PRKCA: variants seen among roughly 807,000 people sequenced by gnomAD.
PRKCA encodes the protein protein kinase C alpha type.
PRKCA carries 27 observed loss-of-function variants against 87.0 expected under a neutral mutation model. The ratio of observed to expected loss-of-function variants is 0.31; its 90% CI spans 0.23 to 0.43. The LOEUF is 0.43. Ranked by LOEUF, PRKCA falls within the 20% of genes least tolerant of loss-of-function variation. The pLI, the probability that PRKCA is intolerant of heterozygous loss-of-function variation, is 1.00. For synonymous variants in PRKCA, 329 were observed against 311.1 expected (o/e 1.06, Z -0.61); for missense variants, 518 against 852.3 (o/e 0.61, Z 4.88).
intron 3 of PRKCA, among the ~76,000 whole-genome samples, chr17:66,632,172 G>A (rs115231480): frequency 0.011 from 1,718 of 152,272 alleles, 28 homozygotes; most frequent in African/African-American, 0.039. Context: ...AGTGTATTCA[G>A]CTGGACTTCG....
intron 2 of PRKCA, among the ~76,000 whole-genome samples, chr17:66,446,742 A>G (rs1432811816): frequency 6.6e-6 from 1 of 152,172 alleles, no homozygotes; most frequent in African/African-American, 2.4e-5. Context: ...GGACCCCGGT[A>G]GCCTCTAGAA....
rs536624139 is a variant in PRKCA at position 66,643,948 on chromosome 17, C to T, written c.401-1435C>T. Reference sequence around the variant, plus strand: ...AGCTTCCCAAGATATACAGCAGAGACTGCAACACGGCCCAGTGCACTTTCA... The same window carrying T: ...AGCTTCCCAAGATATACAGCAGAGATTGCAACACGGCCCAGTGCACTTTCA... On this transcript the variant is annotated intron_variant, in intron 4 of 16. Transcript: ENST00000413366. 1.8e-3 allele frequency among the ~76,000 whole-genome samples: 269 copies of T among 152,346 alleles called. 2 individuals carry two copies. Among genetic ancestry groups the T allele is most frequent in the Middle Eastern group, 0.01 (3 of 294 alleles).
intron 2 of PRKCA, among the ~76,000 whole-genome samples, chr17:66,455,864 T>C (rs1178053839): frequency 2.0e-5 from 3 of 152,194 alleles, no homozygotes; most frequent in Non-Finnish European, 4.4e-5. Flanking sequence ...TTTCTCTCTG[T>C]ACTGGGCTGA....
At chr17:66,499,723 G>A (rs1916644375) in intron 3 of PRKCA, among the ~76,000 whole-genome samples, 2 of 152,182 alleles carry the variant, frequency 1.3e-5, no homozygotes, top group Admixed American at 1.3e-4. Flanking sequence ...TTCTGTAGAT[G>A]CTGAGTCTTA....
chr17:66,566,164 GA>G lies in PRKCA; in HGVS notation c.288+69883del, dbSNP rs1305622926. ...CACCCTTGGGCTAAGATGCACTCTT[GA>G]ACACATTTCCTCTATGGCCCCTTTC... On this transcript the variant is annotated intron_variant, in intron 3 of 16. Transcript: ENST00000413366. Among the ~76,000 whole-genome samples the G allele has an allele frequency of 5.9e-5, 9 of 152,156 alleles. No homozygotes were observed. The South Asian group carries it at 1.7e-3, about 28-fold the overall frequency.
intron 8 of PRKCA, among the ~76,000 whole-genome samples, chr17:66,691,489 A>G (rs1220627319): frequency 6.6e-6 from 1 of 152,030 alleles, no homozygotes; most frequent in African/African-American, 2.4e-5. Flanking sequence ...CTCCTTTTCA[A>G]TTTGTATTTC....
intron 5 of PRKCA, among the ~76,000 whole-genome samples, chr17:66,656,431 C>T (rs1361002299): frequency 6.6e-6 from 1 of 152,214 alleles, no homozygotes; most frequent in Non-Finnish European, 1.5e-5. Context: ...TTGATATTGA[C>T]TGAGCAGGTC....
At chr17:66,784,278 C>T (rs1335413333) in intron 14 of PRKCA, among the ~76,000 whole-genome samples, 1 of 152,066 alleles carries the variant, frequency 6.6e-6, no homozygotes, top group Non-Finnish European at 1.5e-5. Flanking sequence ...CAGAGTCTTG[C>T]TCTGTCTCCC....
intron 10 of PRKCA, 118 bp downstream of exon 10, chr17:66,735,780 G>A (rs756668475): frequency 3.3e-6 from 4 of 1,225,010 alleles, no homozygotes; most frequent in Non-Finnish European, 3.4e-6. Context: ...GTGTTGTGAT[G>A]TCAAGCAGAG....
At chr17:66,780,230 A>G (rs1039363678) in intron 14 of PRKCA, among the ~76,000 whole-genome samples, 3 of 152,186 alleles carry the variant, frequency 2.0e-5, no homozygotes, top group Non-Finnish European at 2.9e-5. Context: ...GCTGGAAGCA[A>G]TTGTAAATGT....
At chr17:66,357,808 T>C (rs1414869029) in intron 2 of PRKCA, among the ~76,000 whole-genome samples, 2 of 152,182 alleles carry the variant, frequency 1.3e-5, no homozygotes, top group African/African-American at 2.4e-5. Context: ...TCCCACTGAA[T>C]GCCGTGTCAA....
intron 3 of PRKCA, among the ~76,000 whole-genome samples, chr17:66,585,374 C>T (rs960020103): frequency 2.6e-5 from 4 of 152,202 alleles, no homozygotes; most frequent in Non-Finnish European, 5.9e-5. Flanking sequence ...GCTTGCTTAT[C>T]TATGTCTGCA....
At chr17:66,757,222 G>GAA (rs34461648) in intron 13 of PRKCA, among the ~76,000 whole-genome samples, 16 of 130,392 alleles carry the variant, frequency 1.2e-4, no homozygotes, top group Admixed American at 1.5e-4. Flanking sequence ...AGCAAAGACT[G>GAA]AAAAAAAAAA....
chr17:66,363,614 CAATT>C (rs2143492306), intron 2 of PRKCA, among the ~76,000 whole-genome samples: 1 of 152,366 alleles, frequency 6.6e-6, no homozygotes, highest in African/African-American at 2.4e-5. Context: ...ATTACGCAGA[CAATT>C]AAGGGGCATC....
At chr17:66,332,194 CT>C (rs1205568747) in intron 2 of PRKCA, among the ~76,000 whole-genome samples, 1 of 148,074 alleles carries the variant, frequency 6.8e-6, no homozygotes, top group African/African-American at 2.5e-5. Flanking sequence ...TTTTTTCTTT[CT>C]TTCCTTCTTT....
chr17:66,411,242 CTT>C (rs11296687), intron 2 of PRKCA, among the ~76,000 whole-genome samples: 57 of 136,956 alleles, frequency 4.2e-4, no homozygotes, highest in Middle Eastern at 3.8e-3. Context: ...CAACATCTGG[CTT>C]TTTTTTTTTT....
At chr17:66,629,613 A>G (rs1054208379) in intron 3 of PRKCA, among the ~76,000 whole-genome samples, 1 of 152,074 alleles carries the variant, frequency 6.6e-6, no homozygotes, top group Admixed American at 6.6e-5. Context: ...TTGTATTCCT[A>G]TTTTACGTTC....
At chr17:66,737,196 C>T (rs1420296969) in intron 10 of PRKCA, among the ~76,000 whole-genome samples, 1 of 125,330 alleles carries the variant, frequency 8.0e-6, no homozygotes, top group Non-Finnish European at 1.7e-5. Context: ...ACTAAATATA[C>T]AAAAAAAAAA....
intron 3 of PRKCA, among the ~76,000 whole-genome samples, chr17:66,539,570 A>AT (rs989473690): frequency 1.5e-4 from 22 of 151,460 alleles, no homozygotes; most frequent in Admixed American, 9.9e-4. Flanking sequence ...CATCCAGCTA[A>AT]TTTTTTTTTA....
Sources: allele counts gnomAD v4.1 joint callset (sites outside exome capture counted in the v4.1 genomes callset), GRCh38; gene constraint gnomAD v4.1.1; transcripts MANE v1.5; gene names NCBI Gene and HGNC (gene_info 2026-07-23, HGNC 2026-07-21).